BRCA2: variants seen among roughly 807,000 people sequenced by gnomAD.
The protein encoded by BRCA2 is breast cancer type 2 susceptibility protein.
In BRCA2, 203 loss-of-function variants were observed where a neutral mutation model predicts 276.7. The observed-to-expected ratio is 0.73, with a 90% CI of 0.65 to 0.82. The LOEUF is 0.82. Among genes scored for constraint, BRCA2 ranks in the 40% least tolerant of loss-of-function variants. BRCA2 has a pLI of 0.00. For missense variants in BRCA2, 3,920 were observed against 3,915.0 expected, an observed-to-expected ratio of 1.00 and a Z score of -0.03; for synonymous variants, 1,289 against 1,338.4, an observed-to-expected ratio of 0.96 and a Z score of 0.81.
chr13:32,397,095 A>G (rs945774915), intron 26 of BRCA2, 51 bp downstream of exon 26: 3 of 1,569,522 alleles, frequency 1.9e-6, no homozygotes, highest in South Asian at 2.2e-5. Flanking sequence ...TATGGAGGCC[A>G]TCGTATATTC....
intron 13 of BRCA2, among the ~76,000 whole-genome samples, chr13:32,348,526 G>A (rs1238165885): frequency 6.6e-6 from 1 of 152,166 alleles, no homozygotes; most frequent in African/African-American, 2.4e-5. Context: ...CTAGAAGACT[G>A]TAGATCTTAT....
At chr13:32,367,200 C>T (rs1008657166) in intron 18 of BRCA2, among the ~76,000 whole-genome samples, 2 of 152,020 alleles carry the variant, frequency 1.3e-5, no homozygotes, top group Non-Finnish European at 2.9e-5. Flanking sequence ...TTTGGGAGGC[C>T]GAGGCAGGCA....
intron 9 of BRCA2, 112 bp downstream of exon 9, chr13:32,331,142 T>A (rs1287591264): frequency 1.3e-6 from 1 of 754,544 alleles, no homozygotes; most frequent in Non-Finnish European, 2.3e-6. Flanking sequence ...TACCGCAACC[T>A]CTGCCTCCCG....
intron 24 of BRCA2, among the ~76,000 whole-genome samples, chr13:32,384,453 G>A (rs1291709135): frequency 6.6e-6 from 1 of 152,216 alleles, no homozygotes; most frequent in Non-Finnish European, 1.5e-5. Context: ...CTGAGAGCCT[G>A]TGCTGCCTTT....
chr13:32,396,574 C>A (rs2073038273), intron 25 of BRCA2, among the ~76,000 whole-genome samples: 1 of 152,192 alleles, frequency 6.6e-6, no homozygotes, highest in Non-Finnish European at 1.5e-5. Context: ...GTAAATAGAG[C>A]TAGGACTTGA....
At chr13:32,383,029 G>A (rs371213086) in intron 24 of BRCA2, among the ~76,000 whole-genome samples, 79 of 152,234 alleles carry the variant, frequency 5.2e-4, no homozygotes, top group African/African-American at 1.5e-3. Context: ...CTATTTCCTC[G>A]CTGAAACAGG....
At chr13:32,347,908 A>G (rs566563933) in intron 13 of BRCA2, among the ~76,000 whole-genome samples, 1 of 152,230 alleles carries the variant, frequency 6.6e-6, no homozygotes, top group Non-Finnish European at 1.5e-5. Context: ...AAGAAAAGAT[A>G]GTCAAAGATA....
At chr13:32,344,674 A>G in intron 12 of BRCA2, 21 bp downstream of exon 12, 1 of 1,464,470 alleles carries the variant, frequency 6.8e-7, no homozygotes, top group South Asian at 1.1e-5. Flanking sequence ...CTTTTTATTT[A>G]TATCTGTTCT....
At chr13:32,359,724 C>T (rs1219886458) in intron 16 of BRCA2, among the ~76,000 whole-genome samples, 4 of 152,082 alleles carry the variant, frequency 2.6e-5, no homozygotes, top group African/African-American at 9.7e-5. Context: ...GTTGGTTAAA[C>T]GGTTGTATTA....
chr13:32,369,535 T>A (rs147070627), intron 18 of BRCA2, among the ~76,000 whole-genome samples: 3 of 152,312 alleles, frequency 2.0e-5, no homozygotes, highest in African/African-American at 7.2e-5. Flanking sequence ...TCGTTGTCTG[T>A]AAAATGGAGA....
chr13:32,338,618 T>G lies in BRCA2; in HGVS notation c.4263T>G (p.Phe1421Leu), dbSNP rs786201704. Reference sequence around the variant, plus strand: ...AAACGGAGCAAAATATAAAAGATTTTGAGACTTCTGATACATTTTTTCAGA... The same window carrying G: ...AAACGGAGCAAAATATAAAAGATTTGGAGACTTCTGATACATTTTTTCAGA... Reference protein sequence around the residue: ...ATKTEQNIKDFETSDTFFQTA... With the variant: ...ATKTEQNIKDLETSDTFFQTA... Residue 1421 changes from phenylalanine to leucine, a missense_variant, in exon 11 of 27, where the codon TTT (phenylalanine) becomes TTG (leucine). By Grantham distance (22) the Phe-to-Leu change is conservative. This residue lies in a region of BRCA2 where 3,263 missense variants were observed against 3,156.9 expected (regional missense o/e 1.03). Transcript: ENST00000380152. 1 of 1,597,294 alleles carries G rather than the reference T, an allele frequency of 6.3e-7. No individual in the cohort carries two copies. Among genetic ancestry groups the G allele is most frequent in the Non-Finnish European group, 8.5e-7 (1 of 1,169,794 alleles).
In BRCA2 at chr13:32,346,866, CT is replaced by C. The variant is rs879255306; in HGVS notation, c.6980del (p.Leu2327Ter). The C allele has an allele frequency of 5.0e-6, 8 of 1,610,380 alleles. No homozygotes were observed. The highest frequency in any genetic ancestry group is 6.8e-6 in the Non-Finnish European group (8 of 1,178,052). On this transcript the variant is annotated frameshift_variant, in exon 13 of 27. Coordinates refer to ENST00000380152, the MANE Select transcript of BRCA2 (RefSeq NM_000059.4). LOFTEE classifies it high-confidence loss of function. ...CGAAGATTGTTTATGCATCATGTTT[CT>C]TTAGAGCCGATTACCTGTGTACCCT... Reference protein sequence around the residue: ...KDRRLFMHHVSLEPITCVPFR... With the variant: ...KDRRLFMHHVXLEPITCVPFR...
chr13:32,372,785 CA>C (rs2072843335), intron 20 of BRCA2, among the ~76,000 whole-genome samples: 2 of 152,104 alleles, frequency 1.3e-5, no homozygotes, highest in African/African-American at 4.8e-5. Flanking sequence ...AGCATTAACT[CA>C]AAAGTTCAAG....
chr13:32,327,330 C>T (rs1249052507), intron 7 of BRCA2, among the ~76,000 whole-genome samples: 2 of 152,102 alleles, frequency 1.3e-5, no homozygotes, highest in African/African-American at 4.8e-5. Flanking sequence ...CACCTGTAAT[C>T]CCAGCTACCT....
intron 2 of BRCA2, among the ~76,000 whole-genome samples, chr13:32,317,508 A>G (rs1274625396): frequency 1.3e-5 from 2 of 152,234 alleles, no homozygotes; most frequent in Non-Finnish European, 2.9e-5. Flanking sequence ...TGTACTTTGC[A>G]TAGATTTTTC....
intron 17 of BRCA2, 51 bp downstream of exon 17, chr13:32,362,744 G>C (rs774420598): frequency 6.3e-7 from 1 of 1,597,982 alleles, no homozygotes; most frequent in Admixed American, 1.7e-5. Context: ...TATGGTTAAG[G>C]TTTCTGTGTA....
chr13:32,368,058 C>T (rs373369733), intron 18 of BRCA2, among the ~76,000 whole-genome samples: 2 of 107,510 alleles, frequency 1.9e-5, no homozygotes, highest in South Asian at 6.9e-4. Context: ...CTCGCACTGT[C>T]GCCCAGGCTG....
chr13:32,350,065 A>G (rs2072637633), intron 13 of BRCA2, among the ~76,000 whole-genome samples: 1 of 152,274 alleles, frequency 6.6e-6, no homozygotes, highest in Non-Finnish European at 1.5e-5. Context: ...ATAGACAGCT[A>G]AGTTTTCACT....
At chr13:32,335,879 A>T (rs938627216) in intron 10 of BRCA2, among the ~76,000 whole-genome samples, 9 of 151,836 alleles carry the variant, frequency 5.9e-5, no homozygotes, top group African/African-American at 1.9e-4. Flanking sequence ...CCTTTTAATT[A>T]ATTTATTTAT....
Sources: allele counts gnomAD v4.1 joint callset (sites outside exome capture counted in the v4.1 genomes callset), GRCh38; gene constraint gnomAD v4.1.1; regional missense constraint gnomAD v4.1.1; transcripts MANE v1.5; gene names NCBI Gene and HGNC (gene_info 2026-07-23, HGNC 2026-07-21).